The following KCNIP1 variants were observed in gnomAD, a reference collection of about 807,000 sequenced individuals.
KCNIP1 encodes A-type potassium channel modulatory protein KCNIP1.
Under a neutral mutation model 33.0 loss-of-function variants are expected in KCNIP1, and 18 were observed. That is an observed-to-expected ratio of 0.55 (90% confidence interval 0.38 to 0.81). The LOEUF (loss-of-function observed/expected upper bound fraction) is 0.81. Among genes scored for constraint, KCNIP1 ranks in the 30% least tolerant of loss-of-function variants. The pLI is 0.00. For synonymous variants in KCNIP1, 93 were observed against 98.3 expected, an observed-to-expected ratio of 0.95 and a Z score of 0.32; for missense variants, 238 against 271.6, an observed-to-expected ratio of 0.88 and a Z score of 0.87.
chr5:170,371,214 A>G (rs1268469590), intron 1 of KCNIP1, among the ~76,000 whole-genome samples: 2 of 152,178 alleles, frequency 1.3e-5, no homozygotes, highest in Non-Finnish European at 2.9e-5. Flanking sequence ...GCTGGAAAGC[A>G]TAGATTTAGG....
rs189914925 is a variant in KCNIP1, at chr5:170,448,359, G to A, written c.88+94395G>A. 2.2e-3 allele frequency among the ~76,000 whole-genome samples: 333 copies of A among 152,316 alleles called. 5 individuals carry two copies. Among genetic ancestry groups the A allele is most frequent in the Admixed American group, 0.016 (250 of 15,302 alleles). On this transcript the variant is annotated intron_variant, in intron 1 of 7. Transcript: ENST00000377360. Reference sequence around the variant, plus strand: ...AGCATGTCTTGTACATCTGCTGTACGCCAGGCCCCGTGTCCTCTTACGCCC... The same window carrying A: ...AGCATGTCTTGTACATCTGCTGTACACCAGGCCCCGTGTCCTCTTACGCCC...
intron 1 of KCNIP1, among the ~76,000 whole-genome samples, chr5:170,522,187 G>A (rs1407846174): frequency 6.6e-6 from 1 of 152,208 alleles, no homozygotes; most frequent in African/African-American, 2.4e-5. Context: ...CCAGAGGTCA[G>A]CTGGCAGGGT....
chr5:170,577,445 C>T (rs959626536), intron 1 of KCNIP1, among the ~76,000 whole-genome samples: 5 of 152,158 alleles, frequency 3.3e-5, no homozygotes, highest in African/African-American at 4.8e-5. Context: ...AAAGCTGGAG[C>T]GGATGAGAAA....
intron 1 of KCNIP1, among the ~76,000 whole-genome samples, chr5:170,600,447 C>T (rs1758648591): frequency 6.6e-6 from 1 of 152,146 alleles, no homozygotes; most frequent in African/African-American, 2.4e-5. Flanking sequence ...TTAATGTTCT[C>T]CTACTCTTGG....
chr5:170,654,315 G>A (rs1250402599), intron 1 of KCNIP1, among the ~76,000 whole-genome samples: 1 of 152,186 alleles, frequency 6.6e-6, no homozygotes, highest in Non-Finnish European at 1.5e-5. Context: ...TCAGGGCCAT[G>A]GGGGATGCTC....
intron 1 of KCNIP1, among the ~76,000 whole-genome samples, chr5:170,494,046 C>T (rs963209675): frequency 6.6e-6 from 1 of 152,118 alleles, no homozygotes; most frequent in Non-Finnish European, 1.5e-5. Flanking sequence ...AGCAGATACC[C>T]CAGGGACTGG....
At chr5:170,390,539 T>TATATATATATA (rs1581143220) in intron 1 of KCNIP1, among the ~76,000 whole-genome samples, 2 of 133,768 alleles carry the variant, frequency 1.5e-5, no homozygotes, top group Non-Finnish European at 3.1e-5. Context: ...TATATATATA[T>TATATATATATA]TTTCAACAAA....
At chr5:170,438,135 C>A (rs528099337) in intron 1 of KCNIP1, among the ~76,000 whole-genome samples, 1 of 152,090 alleles carries the variant, frequency 6.6e-6, no homozygotes, top group South Asian at 2.1e-4. Flanking sequence ...TGGCTCTCTC[C>A]GTCCCTCCAG....
At chr5:170,356,485 A>T (rs1359308707) in intron 1 of KCNIP1, among the ~76,000 whole-genome samples, 1 of 152,192 alleles carries the variant, frequency 6.6e-6, no homozygotes, top group Non-Finnish European at 1.5e-5. Context: ...TTTGTCTAAG[A>T]TGCCAGCTAG....
At chr5:170,503,974 G>A (rs947038089), upstream of KCNIP1, 2 of 638,034 alleles carry the variant, frequency 3.1e-6, no homozygotes, top group Non-Finnish European at 3.9e-6. Flanking sequence ...CCGCCCCTCC[G>A]TAGTTGCCCG....
intron 1 of KCNIP1, among the ~76,000 whole-genome samples, chr5:170,587,421 CAAAAAAAAAA>C (rs56358014): frequency 1.4e-5 from 1 of 70,348 alleles, no homozygotes; most frequent in Admixed American, 1.6e-4. Context: ...GACTCTGTCT[CAAAAAAAAAA>C]AAAAAAAAAA....
intron 1 of KCNIP1, among the ~76,000 whole-genome samples, chr5:170,512,878 T>C (rs1020035127): frequency 2.0e-5 from 3 of 151,890 alleles, no homozygotes; most frequent in African/African-American, 4.8e-5. Context: ...TGAAACCCCG[T>C]CTCTACTAAA....
At chr5:170,682,706 T>C (rs1762390510) in intron 1 of KCNIP1, among the ~76,000 whole-genome samples, 2 of 151,950 alleles carry the variant, frequency 1.3e-5, no homozygotes, top group Non-Finnish European at 2.9e-5. Flanking sequence ...GAGAACATGT[T>C]CCATTCCTGT....
intron 1 of KCNIP1, among the ~76,000 whole-genome samples, chr5:170,355,340 A>G (rs1453614340): frequency 6.6e-6 from 1 of 152,202 alleles, no homozygotes; most frequent in Non-Finnish European, 1.5e-5. Context: ...GAGAAAGCAA[A>G]GGGGTTAGGA....
chr5:170,567,484 G>T (rs4867611), intron 1 of KCNIP1, among the ~76,000 whole-genome samples: 140,092 of 152,168 alleles, frequency 0.92, 65,576 homozygotes, highest in Non-Finnish European at 1. Flanking sequence ...GTCAGGAGAT[G>T]AGGATCATAG....
chr5:170,440,537 G>A (rs1393120630), intron 1 of KCNIP1, among the ~76,000 whole-genome samples: 1 of 152,202 alleles, frequency 6.6e-6, no homozygotes, highest in Non-Finnish European at 1.5e-5. Flanking sequence ...CCTCCTAGGG[G>A]AGAGTCAGAG....
chr5:170,565,241 T>C (rs1055454779), intron 1 of KCNIP1, among the ~76,000 whole-genome samples: 4 of 152,128 alleles, frequency 2.6e-5, no homozygotes, highest in Admixed American at 2.6e-4. Context: ...TGGGGACAGC[T>C]AGTTCCAGTT....
chr5:170,453,087 G>T (rs749415774), intron 1 of KCNIP1, among the ~76,000 whole-genome samples: 8 of 152,194 alleles, frequency 5.3e-5, no homozygotes, highest in Non-Finnish European at 8.8e-5. Context: ...CAACATTTTT[G>T]CTGGTCTCAA....
At chr5:170,492,755 C>CTATTTATT (rs75367874) in intron 1 of KCNIP1, among the ~76,000 whole-genome samples, 7,361 of 150,422 alleles carry the variant, frequency 0.049, 297 homozygotes, top group African/African-American at 0.11. Context: ...AAATATCTAT[C>CTATTTATT]TATTTATTTA....
Sources: gnomAD v4.1 joint callset for allele counts (sites outside exome capture counted in the v4.1 genomes callset) on GRCh38, gnomAD v4.1.1 for gene constraint, MANE v1.5 for transcripts, NCBI Gene and HGNC (gene_info 2026-07-23, HGNC 2026-07-21) for gene names.